ASH1L: variants seen among roughly 807,000 people sequenced by gnomAD.
ASH1L encodes ASH1 like histone lysine methyltransferase, also known as histone-lysine N-methyltransferase ASH1L.
In ASH1L, 23 loss-of-function variants were observed where a neutral mutation model predicts 269.0. That is an observed-to-expected ratio of 0.09 (90% confidence interval 0.06 to 0.12). The LOEUF (loss-of-function observed/expected upper bound fraction) is 0.12, where lower values mean the gene tolerates loss of function less well. Among genes scored for constraint, ASH1L ranks in the 10% least tolerant of loss-of-function variants. The probability of loss-of-function intolerance (pLI) is 1.00; values close to 1 mark genes in which losing one functional copy is unlikely to be tolerated. For missense variants in ASH1L, 2,912 were observed against 3,567.8 expected, an observed-to-expected ratio of 0.82 and a Z score of 4.68; for synonymous variants, 1,187 against 1,253.5, an observed-to-expected ratio of 0.95 and a Z score of 1.12.
intron 1 of ASH1L, among the ~76,000 whole-genome samples, chr1:155,552,038 A>C (rs1221320407): frequency 6.6e-6 from 1 of 152,218 alleles, no homozygotes; most frequent in East Asian, 1.9e-4. Context: ...ATGTTATATC[A>C]GTACTAAAAG....
chr1:155,397,950 T>C (rs1658505768), intron 6 of ASH1L, among the ~76,000 whole-genome samples: 1 of 152,232 alleles, frequency 6.6e-6, no homozygotes, highest in Non-Finnish European at 1.5e-5. Context: ...ACTCTCATAA[T>C]TTATTATGAT....
intron 1 of ASH1L, among the ~76,000 whole-genome samples, chr1:155,546,942 ATTC>A (rs1670869184): frequency 7.6e-6 from 1 of 130,814 alleles, no homozygotes; most frequent in Non-Finnish European, 1.6e-5. Flanking sequence ...GTTTCATCAC[ATTC>A]TTTTTTTTTT....
intron 2 of ASH1L, among the ~76,000 whole-genome samples, chr1:155,491,609 C>A (rs1428035872): frequency 3.3e-5 from 5 of 152,090 alleles, no homozygotes; most frequent in Admixed American, 3.3e-4. Flanking sequence ...AACTAAAGTG[C>A]TTAATCACTG....
intron 4 of ASH1L, among the ~76,000 whole-genome samples, chr1:155,445,460 C>T (rs1157336208): frequency 1.3e-5 from 2 of 151,842 alleles, no homozygotes; most frequent in East Asian, 1.9e-4. Flanking sequence ...GCTGAGATTA[C>T]AGGGGTGAGC....
chr1:155,435,535 TTTAA>T (rs1225259459), intron 5 of ASH1L, among the ~76,000 whole-genome samples: 5 of 152,076 alleles, frequency 3.3e-5, no homozygotes, highest in Admixed American at 6.6e-5. Flanking sequence ...AAACTACTAG[TTTAA>T]TTAAATTATT....
chr1:155,368,847 AAAG>A (rs1227365661), intron 12 of ASH1L, among the ~76,000 whole-genome samples: 1 of 152,252 alleles, frequency 6.6e-6, no homozygotes, highest in Non-Finnish European at 1.5e-5. Flanking sequence ...AAATTCACAC[AAAG>A]AAGTATTACT....
intron 1 of ASH1L, among the ~76,000 whole-genome samples, chr1:155,528,689 T>C (rs551379637): frequency 1.6e-4 from 24 of 152,238 alleles, no homozygotes; most frequent in East Asian, 9.7e-4. Context: ...TCAAAGTCCA[T>C]TGATTTATTG....
chr1:155,533,516 A>T (rs1446880072), intron 1 of ASH1L, among the ~76,000 whole-genome samples: 1 of 151,612 alleles, frequency 6.6e-6, no homozygotes, highest in Non-Finnish European at 1.5e-5. Flanking sequence ...GTTTGAGACC[A>T]GCATGGCCAA....
intron 1 of ASH1L, among the ~76,000 whole-genome samples, chr1:155,557,646 G>T (rs764192425): frequency 6.6e-6 from 1 of 152,036 alleles, no homozygotes; most frequent in South Asian, 2.1e-4. Flanking sequence ...GCCTGATGAG[G>T]CAGTCACTAA....
chr1:155,344,462 G>A (rs893038511), intron 21 of ASH1L, 189 bp from the exon 22 acceptor site: 2 of 512,194 alleles, frequency 3.9e-6, no homozygotes, highest in Admixed American at 6.9e-5. Context: ...AAAACTGATA[G>A]GCTAAGTATC....
intron 25 of ASH1L, among the ~76,000 whole-genome samples, chr1:155,341,469 C>T (rs1652812642): frequency 6.6e-6 from 1 of 152,170 alleles, no homozygotes. Context: ...AGCCACCGCG[C>T]CTGGCTCACA....
At chr1:155,493,547 T>C (rs555731981) in intron 2 of ASH1L, among the ~76,000 whole-genome samples, 152 of 152,354 alleles carry the variant, frequency 1.0e-3, no homozygotes, top group Non-Finnish European at 1.7e-3. Context: ...TTTCATTTTA[T>C]AATATTAAAT....
In ASH1L at chr1:155,343,759, C is replaced by T. The variant is rs1381886772; in HGVS notation, c.7982-17G>A. The T allele has an allele frequency of 1.1e-5, 17 of 1,610,412 alleles. No individual in the cohort carries two copies. The highest frequency in any genetic ancestry group is 1.7e-4 in the Middle Eastern group (1 of 6,046). On this transcript the variant is annotated splice_polypyrimidine_tract_variant and intron_variant, in intron 22 of 27. Transcript: ENST00000392403. This position sits in a 1 kb window ranked among gnomAD's most constrained non-coding sequence, Gnocchi z 6.1. ...CACAGTCACCTAGGAAGACCCAGAACACAGAAGAAACATAAAACAATTCTT... is the reference window on the plus strand; with the variant it reads ...CACAGTCACCTAGGAAGACCCAGAATACAGAAGAAACATAAAACAATTCTT...
intron 8 of ASH1L, among the ~76,000 whole-genome samples, chr1:155,379,616 C>T (rs1242725275): frequency 6.6e-6 from 1 of 152,160 alleles, no homozygotes; most frequent in African/African-American, 2.4e-5. Flanking sequence ...CATTTCCCTG[C>T]TTCCTTTGAT....
chr1:155,522,976 C>T (rs1293132461), intron 1 of ASH1L, among the ~76,000 whole-genome samples: 1 of 151,858 alleles, frequency 6.6e-6, no homozygotes, highest in Non-Finnish European at 1.5e-5. Flanking sequence ...CAGGTGTGAG[C>T]CACCGTGCCC....
Position 155,480,812 on chromosome 1 carries a change from T to G in ASH1L, c.2058A>C (p.Ala686=). The G allele has an allele frequency of 6.2e-7, 1 of 1,614,040 alleles. No homozygotes were observed. Among genetic ancestry groups the G allele is most frequent in the South Asian group, 1.1e-5 (1 of 91,074 alleles). The part of the protein sequence containing the change: ...FSNKPFLKLG[A]VSASDKHCQV... ...GGCAGTGTTTGTCTGATGCAGATAC[T>G]GCACCCAGTTTTAAAAAAGGCTTAT... Residue 686 remains alanine (A), a synonymous_variant, in exon 3 of 28, where the codon GCA becomes GCC. Transcript: ENST00000392403.
intron 1 of ASH1L, among the ~76,000 whole-genome samples, chr1:155,560,171 T>C (rs114109825): frequency 0.022 from 3,386 of 152,246 alleles, 115 homozygotes; most frequent in African/African-American, 0.077. Flanking sequence ...GACCTAAATA[T>C]AAATTGGCTC....
chr1:155,521,546 T>A lies in ASH1L; in HGVS notation c.-27A>T. 1 of 1,568,494 alleles carries A rather than the reference T, an allele frequency of 6.4e-7. No individual in the cohort carries two copies. Among genetic ancestry groups the A allele is most frequent in the African/African-American group, 1.4e-5 (1 of 72,758 alleles). On this transcript the variant is annotated 5_prime_UTR_variant, in exon 2 of 28. Coordinates refer to ENST00000392403, the MANE Select transcript of ASH1L (RefSeq NM_018489.3). Reference sequence around the variant, plus strand: ...ACAAGCGTATGTTATTGCCAAGGAATCTTATGAAAATTTTACAGAACTGTG... The same window carrying A: ...ACAAGCGTATGTTATTGCCAAGGAAACTTATGAAAATTTTACAGAACTGTG...
Position 155,386,794 on chromosome 1 carries a change from A to G in ASH1L, c.6104-6678T>C, listed in dbSNP as rs1285241555. Among the ~76,000 whole-genome samples the G allele has an allele frequency of 2.0e-5, 3 of 152,090 alleles. No homozygotes were observed. The East Asian group carries it at 5.8e-4, about 29-fold the overall frequency. ...AAGCAGTTTGCAAAATTTTTCTCCC[A>G]TTTTATAGGTTGTTTACTCTGTTCA... On this transcript the variant is annotated intron_variant, in intron 7 of 27. Transcript: ENST00000392403.
Sources: gnomAD v4.1 joint callset for allele counts (sites outside exome capture counted in the v4.1 genomes callset) on GRCh38, gnomAD v4.1.1 for gene constraint, Gnocchi (gnomAD v3.1) non-coding constraint, MANE v1.5 for transcripts, NCBI Gene and HGNC (gene_info 2026-07-23, HGNC 2026-07-21) for gene names.